The following PTPRD variants were observed in gnomAD, a reference collection of about 807,000 sequenced individuals.
PTPRD encodes protein tyrosine phosphatase receptor type D, also known as receptor-type tyrosine-protein phosphatase delta.
In PTPRD, 34 loss-of-function variants were observed where a neutral mutation model predicts 214.5. The ratio of observed to expected loss-of-function variants is 0.16; its 90% CI spans 0.12 to 0.21. PTPRD has a LOEUF of 0.21. Among genes scored for constraint, PTPRD ranks in the 10% least tolerant of loss-of-function variants. PTPRD has a pLI of 1.00. For synonymous variants in PTPRD, 1,128 were observed against 845.7 expected (o/e 1.33, Z -5.79); for missense variants, 2,545 against 2,398.7 (o/e 1.06, Z -1.27).
intron 3 of PTPRD, among the ~76,000 whole-genome samples, chr9:10,321,659 C>A (rs1001689283): frequency 3.3e-5 from 5 of 151,760 alleles, no homozygotes; most frequent in Non-Finnish European, 5.9e-5. Flanking sequence ...AAAATCAACT[C>A]TTTTATTTGT....
intron 8 of PTPRD, among the ~76,000 whole-genome samples, chr9:9,557,623 G>A (rs760388569): frequency 2.0e-5 from 3 of 152,150 alleles, no homozygotes; most frequent in Non-Finnish European, 2.9e-5. Flanking sequence ...TCTGAAGACT[G>A]CTACCTAGAG....
chr9:10,324,680 T>C (rs2096612444), intron 3 of PTPRD, among the ~76,000 whole-genome samples: 1 of 152,032 alleles, frequency 6.6e-6, no homozygotes. Context: ...TGCTGTGATC[T>C]AGGGTATTCC....
chr9:8,824,044 TG>T (rs1407452455), intron 11 of PTPRD, among the ~76,000 whole-genome samples: 1 of 152,220 alleles, frequency 6.6e-6, no homozygotes, highest in Non-Finnish European at 1.5e-5. Flanking sequence ...AGTGTAGCAG[TG>T]AAGACAACCA....
chr9:9,472,159 A>T (rs1186442211), intron 8 of PTPRD, among the ~76,000 whole-genome samples: 1 of 150,294 alleles, frequency 6.7e-6, no homozygotes, highest in Non-Finnish European at 1.5e-5. Context: ...TAAATAATAC[A>T]TGAGCATGAT....
intron 5 of PTPRD, among the ~76,000 whole-genome samples, chr9:9,837,359 T>C (rs1303579531): frequency 6.6e-6 from 1 of 152,126 alleles, no homozygotes; most frequent in Non-Finnish European, 1.5e-5. Flanking sequence ...ATAAGAAAGA[T>C]GGATGTAGCT....
chr9:9,211,509 GCGCACGCACA>G (rs2099948594), intron 9 of PTPRD, among the ~76,000 whole-genome samples: 2 of 118,668 alleles, frequency 1.7e-5, no homozygotes, highest in South Asian at 2.9e-4. Context: ...CCCCCAGTGT[GCGCACGCACA>G]CACACACACA....
Position 8,972,889 on chromosome 9 carries a change from G to C in PTPRD, c.-104+45808C>G, listed in dbSNP as rs184715942. The stretch of plus-strand genomic sequence containing the variant: ...AACTAGGAAACACATTCCTATTCTA[G>C]TTAACTTGTTTTTGAGTGGATCAAT... On this transcript the variant is annotated intron_variant, in intron 11 of 45. Coordinates refer to ENST00000381196, the MANE Select transcript of PTPRD (RefSeq NM_002839.4). 5.3e-5 allele frequency among the ~76,000 whole-genome samples: 8 copies of C among 151,800 alleles called. No homozygotes were observed. The East Asian group carries it at 1.4e-3, about 26-fold the overall frequency.
chr9:10,047,073 A>C (rs2154148565), intron 3 of PTPRD, among the ~76,000 whole-genome samples: 1 of 152,062 alleles, frequency 6.6e-6, no homozygotes, highest in South Asian at 2.1e-4. Context: ...ATGACAAAGA[A>C]TGATTTTTAA....
At chr9:9,216,954 T>G (rs1468618671) in intron 9 of PTPRD, among the ~76,000 whole-genome samples, 1 of 152,132 alleles carries the variant, frequency 6.6e-6, no homozygotes, top group Non-Finnish European at 1.5e-5. Context: ...TTTCCCACAT[T>G]GGGCTTCAGA....
chr9:8,867,645 T>C (rs2098222121), intron 11 of PTPRD, among the ~76,000 whole-genome samples: 1 of 152,192 alleles, frequency 6.6e-6, no homozygotes, highest in Non-Finnish European at 1.5e-5. Flanking sequence ...ATGTGCTGGG[T>C]AGTGATGAGA....
chr9:9,941,504 G>A (rs1169933815), intron 4 of PTPRD, among the ~76,000 whole-genome samples: 1 of 152,242 alleles, frequency 6.6e-6, no homozygotes, highest in South Asian at 2.1e-4. Context: ...TGTATTTTTA[G>A]TAGAGATGGA....
At chr9:8,671,374 A>G (rs1440967940) in intron 12 of PTPRD, among the ~76,000 whole-genome samples, 1 of 152,152 alleles carries the variant, frequency 6.6e-6, no homozygotes, top group Non-Finnish European at 1.5e-5. Flanking sequence ...AAAGGGGAAA[A>G]GTAACAATGG....
At chr9:8,573,358 A>G (rs2091640427) in intron 14 of PTPRD, among the ~76,000 whole-genome samples, 1 of 152,048 alleles carries the variant, frequency 6.6e-6, no homozygotes, top group Admixed American at 6.6e-5. Context: ...AGATAGGCAA[A>G]GTAGTTTTAA....
At chr9:9,750,533 G>A (rs1014512763) in intron 6 of PTPRD, among the ~76,000 whole-genome samples, 20 of 151,992 alleles carry the variant, frequency 1.3e-4, no homozygotes, top group African/African-American at 4.8e-4. Flanking sequence ...ACCAATCTCA[G>A]TAAGAGTTCT....
At chr9:9,760,154 T>C (rs1413540430) in intron 6 of PTPRD, among the ~76,000 whole-genome samples, 1 of 152,138 alleles carries the variant, frequency 6.6e-6, no homozygotes, top group Non-Finnish European at 1.5e-5. Flanking sequence ...TAATCTGAGT[T>C]CTAGATTGTA....
At chr9:8,925,915 A>T (rs1433315873) in intron 11 of PTPRD, among the ~76,000 whole-genome samples, 2 of 142,352 alleles carry the variant, frequency 1.4e-5, no homozygotes, top group Non-Finnish European at 3.0e-5. Context: ...TTATTAATTA[A>T]GTACATTTTC....
At chr9:9,216,613 G>A (rs919202032) in intron 9 of PTPRD, among the ~76,000 whole-genome samples, 3 of 152,166 alleles carry the variant, frequency 2.0e-5, no homozygotes, top group Non-Finnish European at 4.4e-5. Context: ...AGGACTGGGA[G>A]AAGTTAAAGC....
At chr9:8,889,051 A>G (rs1354116751) in intron 11 of PTPRD, among the ~76,000 whole-genome samples, 6 of 152,194 alleles carry the variant, frequency 3.9e-5, no homozygotes, top group Admixed American at 3.9e-4. Context: ...TTGCCCATCT[A>G]TTATTAGACC....
At chr9:9,194,844 A>G (rs973484477) in intron 9 of PTPRD, among the ~76,000 whole-genome samples, 2 of 152,064 alleles carry the variant, frequency 1.3e-5, no homozygotes, top group Admixed American at 6.6e-5. Flanking sequence ...CTGAGCATCA[A>G]TGCAGTTGGG....
Sources: allele counts gnomAD v4.1 joint callset (sites outside exome capture counted in the v4.1 genomes callset), GRCh38; gene constraint gnomAD v4.1.1; transcripts MANE v1.5; gene names NCBI Gene and HGNC (gene_info 2026-07-23, HGNC 2026-07-21).